ODAPH: variants seen among roughly 807,000 people sequenced by gnomAD.
The protein encoded by ODAPH is amelogenesis imperfecta type IIA4.
A neutral mutation model predicts 2.8 loss-of-function variants in ODAPH; 2 were observed. The observed-to-expected ratio is 0.72, with a 90% confidence interval of 0.30 to 2.28. The LOEUF is 2.28. ODAPH is among the 30% of genes most tolerant of loss of function. The pLI is 0.13. For missense variants in ODAPH, 159 were observed against 163.3 expected, an observed-to-expected ratio of 0.97 and a Z score of 0.14; for synonymous variants, 75 against 60.3, an observed-to-expected ratio of 1.24 and a Z score of -1.13.
chr4:75,565,435 C>T (rs1034588664), downstream of ODAPH: 3 of 152,148 alleles, frequency 2.0e-5, no homozygotes, highest in Admixed American at 1.3e-4. Context: ...TACTTCCTCT[C>T]AAACTTTTAA....
chr4:75,564,846 C>CCTG, downstream of ODAPH: 1 of 343,520 alleles, frequency 2.9e-6, no homozygotes, highest in African/African-American at 2.2e-5. Context: ...CGTTTTTATA[C>CCTG]TCATTGGAAA....
rs1553925728 is a variant in ODAPH, at chr4:75,564,469, C to T, written c.*30C>T. On this transcript the variant is annotated 3_prime_UTR_variant, in exon 2 of 2. Transcript: ENST00000311623. ...GAAGAGAAACCCAAACATACTGAAG[C>T]AAAAAAAAGCCTATCCTTCAGAAAA... The T allele has an allele frequency of 2.5e-6, 4 of 1,610,128 alleles. No homozygotes were observed. Among genetic ancestry groups the T allele is most frequent in the Non-Finnish European group, 3.4e-6 (4 of 1,178,800 alleles).
intron 1 of ODAPH, among the ~76,000 whole-genome samples, chr4:75,561,223 C>CAAAAAACAAAAAAAAAAAAAA (rs760206306): frequency 1.6e-5 from 1 of 62,698 alleles, no homozygotes; most frequent in African/African-American, 6.1e-5. Flanking sequence ...AACTCAATCT[C>CAAAAAACAAAAAAAAAAAAAA]AAAAAAAAAA....
At chr4:75,558,927 C>T (rs1727455118) in intron 1 of ODAPH, among the ~76,000 whole-genome samples, 2 of 152,134 alleles carry the variant, frequency 1.3e-5, no homozygotes, top group South Asian at 2.1e-4. Flanking sequence ...AACTCCTGAG[C>T]TTAAGTAATC....
intron 1 of ODAPH, among the ~76,000 whole-genome samples, chr4:75,561,225 A>AG (rs1251290824): frequency 6.7e-6 from 1 of 148,182 alleles, no homozygotes; most frequent in African/African-American, 2.5e-5. Context: ...CTCAATCTCA[A>AG]AAAAAAAAAA....
intron 1 of ODAPH, among the ~76,000 whole-genome samples, chr4:75,561,188 CACTCCAGCCTGGGCAA>C (rs2148843302): frequency 7.1e-6 from 1 of 140,088 alleles, no homozygotes; most frequent in South Asian, 2.4e-4. Context: ...CGCGCCACTG[CACTCCAGCCTGGGCAA>C]CAGAGCGAAA....
At chr4:75,563,296 G>GATT (rs939071847) in intron 1 of ODAPH, 7 of 152,796 alleles carry the variant, frequency 4.6e-5, no homozygotes, top group African/African-American at 1.7e-4. Context: ...AAAGTTCTGG[G>GATT]ATTACAGGCA....
Position 75,564,540 on chromosome 4 carries a change from T to C in ODAPH, c.*101T>C. On this transcript the variant is annotated 3_prime_UTR_variant, in exon 2 of 2. Transcript: ENST00000311623. ...TTTTATCTTTCGAAACTAAAACTAT[T>C]GGATTTGAAGATTAAGTATCCTAAA... 1 of 1,601,008 alleles carries C rather than the reference T, an allele frequency of 6.2e-7. No homozygotes were observed. Among genetic ancestry groups the C allele is most frequent in the Non-Finnish European group, 8.5e-7 (1 of 1,176,010 alleles).
At chr4:75,560,441 T>C (rs1484596318) in intron 1 of ODAPH, among the ~76,000 whole-genome samples, 1 of 152,202 alleles carries the variant, frequency 6.6e-6, no homozygotes, top group Admixed American at 6.5e-5. Flanking sequence ...AGACCATAAA[T>C]GGCATCAACC....
intron 1 of ODAPH, among the ~76,000 whole-genome samples, chr4:75,563,733 G>A (rs1727689448): frequency 6.6e-6 from 1 of 152,160 alleles, no homozygotes; most frequent in African/African-American, 2.4e-5. Context: ...CCATGTTGTG[G>A]GTATTAGTAG....
chr4:75,564,068 T>G, intron 1 of ODAPH, 46 bp from the exon 2 acceptor site: 1 of 1,574,974 alleles, frequency 6.3e-7, no homozygotes, highest in Non-Finnish European at 8.7e-7. Context: ...ACTCTTCTGC[T>G]TCTGTTACCA....
chr4:75,559,997 A>AAG (rs149379422), intron 1 of ODAPH, among the ~76,000 whole-genome samples: 5 of 150,914 alleles, frequency 3.3e-5, no homozygotes, highest in African/African-American at 9.7e-5. Context: ...CCCTGACAAA[A>AAG]AGAGAGAGAG....
intron 1 of ODAPH, chr4:75,563,304 G>A (rs538960470): frequency 6.6e-6 from 1 of 150,470 alleles, no homozygotes; most frequent in South Asian, 2.1e-4. Context: ...GGGATTACAG[G>A]CATGAGCCAC....
chr4:75,562,021 T>C (rs981658005), intron 1 of ODAPH, among the ~76,000 whole-genome samples: 21 of 152,256 alleles, frequency 1.4e-4, no homozygotes, highest in Non-Finnish European at 2.4e-4. Context: ...CTCCAGCCCC[T>C]GCCCTACACC....
At chr4:75,562,626 C>A (rs529767178) in intron 1 of ODAPH, among the ~76,000 whole-genome samples, 1 of 152,262 alleles carries the variant, frequency 6.6e-6, no homozygotes, top group South Asian at 2.1e-4. Flanking sequence ...AAGGGAAGTT[C>A]ATTTTATCAT....
At chr4:75,558,183 A>G (rs1241485964) in intron 1 of ODAPH, among the ~76,000 whole-genome samples, 1 of 152,146 alleles carries the variant, frequency 6.6e-6, no homozygotes, top group Non-Finnish European at 1.5e-5. Flanking sequence ...AACTTGACTC[A>G]CAGCATAGAA....
At chr4:75,558,660 G>C (rs570994114) in intron 1 of ODAPH, among the ~76,000 whole-genome samples, 13 of 152,110 alleles carry the variant, frequency 8.5e-5, no homozygotes, top group Non-Finnish European at 1.3e-4. Flanking sequence ...ATTTTGCCTT[G>C]TTTTTTCTAT....
At chr4:75,563,643 T>C (rs1351420041) in intron 1 of ODAPH, among the ~76,000 whole-genome samples, 2 of 152,228 alleles carry the variant, frequency 1.3e-5, no homozygotes, top group Non-Finnish European at 2.9e-5. Context: ...TTGCTTGTTT[T>C]TGAACTTCAT....
intron 1 of ODAPH, among the ~76,000 whole-genome samples, chr4:75,562,254 G>T (rs1414358787): frequency 1.3e-5 from 2 of 151,892 alleles, no homozygotes; most frequent in African/African-American, 4.8e-5. Context: ...ATACAGCCAA[G>T]AAACCTGAAT....
Sources: gnomAD v4.1 joint callset for allele counts (sites outside exome capture counted in the v4.1 genomes callset) on GRCh38, gnomAD v4.1.1 for gene constraint, MANE v1.5 for transcripts, NCBI Gene and HGNC (gene_info 2026-07-23, HGNC 2026-07-21) for gene names.